GNG4: variants seen among roughly 807,000 people sequenced by gnomAD.
GNG4 encodes guanine nucleotide-binding protein G(I)/G(S)/G(O) subunit gamma-4.
A neutral mutation model predicts 5.8 loss-of-function variants in GNG4; 4 were observed. The ratio of observed to expected loss-of-function variants is 0.69; its 90% CI spans 0.34 to 1.57. The LOEUF (loss-of-function observed/expected upper bound fraction) is 1.57. Ranked by LOEUF, GNG4 falls within the 40% of genes most tolerant of loss-of-function variation. GNG4 has a pLI of 0.06. For synonymous variants in GNG4, 29 were observed against 32.9 expected, an observed-to-expected ratio of 0.88 and a Z score of 0.41; for missense variants, 96 against 95.1, an observed-to-expected ratio of 1.01 and a Z score of -0.04.
chr1:235,593,583 G>C (rs191856609), intron 2 of GNG4, among the ~76,000 whole-genome samples: 5 of 152,312 alleles, frequency 3.3e-5, no homozygotes, highest in East Asian at 1.9e-4. Context: ...GACCCGCGCC[G>C]TGAGTGTTAC....
intron 1 of GNG4, among the ~76,000 whole-genome samples, chr1:235,643,907 G>A (rs941789198): frequency 3.5e-4 from 54 of 152,218 alleles, no homozygotes; most frequent in Admixed American, 3.5e-3. Context: ...CTTGTTCAGA[G>A]GATGCTGACC....
intron 1 of GNG4, among the ~76,000 whole-genome samples, chr1:235,610,964 T>C (rs1427006218): frequency 6.6e-6 from 1 of 152,176 alleles, no homozygotes; most frequent in Non-Finnish European, 1.5e-5. Flanking sequence ...GGCCCATGCC[T>C]GTAGTCCCAG....
chr1:235,562,886 A>C (rs534676210), intron 3 of GNG4, among the ~76,000 whole-genome samples: 1 of 152,092 alleles, frequency 6.6e-6, no homozygotes, highest in African/African-American at 2.4e-5. Context: ...TATCTGATAT[A>C]TTTTTGCCCA....
intron 1 of GNG4, chr1:235,614,816 A>C (rs139834511): frequency 6.6e-6 from 1 of 152,408 alleles, no homozygotes; most frequent in African/African-American, 2.4e-5. Context: ...TGTGGGATAA[A>C]CTCAGCAGCT....
At chr1:235,556,060 T>G (rs1462742267) in intron 3 of GNG4, among the ~76,000 whole-genome samples, 1 of 151,452 alleles carries the variant, frequency 6.6e-6, no homozygotes, top group Non-Finnish European at 1.5e-5. Context: ...AGAGATGGGG[T>G]TTCTCCATGT....
chr1:235,601,777 T>C (rs74148718), intron 1 of GNG4, among the ~76,000 whole-genome samples: 33,812 of 152,034 alleles, frequency 0.22, 4,217 homozygotes, highest in African/African-American at 0.3. Context: ...CTTCCAGGCC[T>C]GGGCTTTCAG....
intron 3 of GNG4, among the ~76,000 whole-genome samples, chr1:235,555,514 C>T (rs561334424): frequency 5.9e-5 from 9 of 151,912 alleles, no homozygotes; most frequent in Non-Finnish European, 7.4e-5. Flanking sequence ...CAAGACTCTA[C>T]CATAAAATGA....
intron 1 of GNG4, among the ~76,000 whole-genome samples, chr1:235,602,908 A>G (rs1025625377): frequency 4.6e-5 from 7 of 152,142 alleles, no homozygotes; most frequent in Non-Finnish European, 8.8e-5. Flanking sequence ...ACATCTTGGC[A>G]TTCCCTCAAG....
At chr1:235,552,286 G>A in intron 3 of GNG4, 49 bp from the exon 4 acceptor site, 2 of 1,590,030 alleles carry the variant, frequency 1.3e-6, no homozygotes, top group Non-Finnish European at 1.7e-6. Flanking sequence ...CCTTTGCAGA[G>A]TGAGTCCAGG....
At chr1:235,621,026 C>G (rs1201900358) in intron 1 of GNG4, among the ~76,000 whole-genome samples, 1 of 152,060 alleles carries the variant, frequency 6.6e-6, no homozygotes, top group Non-Finnish European at 1.5e-5. Flanking sequence ...TCCTTCTCAC[C>G]TAGTCACTGG....
chr1:235,584,433 T>A (rs891638505), intron 2 of GNG4, among the ~76,000 whole-genome samples: 1 of 151,782 alleles, frequency 6.6e-6, no homozygotes, highest in African/African-American at 2.4e-5. Context: ...ACATTTCTAA[T>A]GAATAAAATT....
At chr1:235,589,156 G>A (rs183304640) in intron 2 of GNG4, among the ~76,000 whole-genome samples, 4 of 152,190 alleles carry the variant, frequency 2.6e-5, no homozygotes, top group African/African-American at 9.6e-5. Flanking sequence ...CCATAACATC[G>A]GAAGGCTCAT....
intron 3 of GNG4, among the ~76,000 whole-genome samples, chr1:235,573,516 A>C (rs927488471): frequency 6.6e-6 from 1 of 152,026 alleles, no homozygotes; most frequent in Admixed American, 6.6e-5. Flanking sequence ...GGTAGCTCAC[A>C]CCTGTAATCC....
chr1:235,601,684 C>T (rs974072201), intron 1 of GNG4, among the ~76,000 whole-genome samples: 7 of 152,112 alleles, frequency 4.6e-5, no homozygotes, highest in South Asian at 4.2e-4. Context: ...TCCCCAGGGT[C>T]GCTTGCAGCT....
At chr1:235,583,566 T>C (rs910754468) in intron 3 of GNG4, among the ~76,000 whole-genome samples, 174 bp downstream of exon 3, 4 of 152,240 alleles carry the variant, frequency 2.6e-5, no homozygotes, top group African/African-American at 9.6e-5. Context: ...TTTGAATCCT[T>C]GGGCACACTT....
At chr1:235,573,339 G>A (rs112602746) in intron 3 of GNG4, among the ~76,000 whole-genome samples, 1 of 131,516 alleles carries the variant, frequency 7.6e-6, no homozygotes, top group East Asian at 2.6e-4. Context: ...TGGGGGGAGG[G>A]GGGAGGGATA....
At chr1:235,636,512 AGCCACG>A (rs1043593783) in intron 1 of GNG4, among the ~76,000 whole-genome samples, 1 of 152,132 alleles carries the variant, frequency 6.6e-6, no homozygotes, top group Admixed American at 6.5e-5. Context: ...GCCTGCAGCA[AGCCACG>A]GCCACGCAGA....
At chr1:235,590,752 G>A (rs1226451865) in intron 2 of GNG4, among the ~76,000 whole-genome samples, 7 of 152,116 alleles carry the variant, frequency 4.6e-5, no homozygotes, top group Non-Finnish European at 1.5e-5. Flanking sequence ...CTGGACGTCC[G>A]TATTTTACAA....
At chr1:235,606,815 C>G (rs1021780285) in intron 1 of GNG4, among the ~76,000 whole-genome samples, 1 of 151,964 alleles carries the variant, frequency 6.6e-6, no homozygotes, top group Non-Finnish European at 1.5e-5. Context: ...GGTCAGAAGG[C>G]TGGGCTGCGT....
Sources: allele counts gnomAD v4.1 joint callset (sites outside exome capture counted in the v4.1 genomes callset), GRCh38; gene constraint gnomAD v4.1.1; transcripts MANE v1.5; gene names NCBI Gene and HGNC (gene_info 2026-07-23, HGNC 2026-07-21).